The following VAV3 variants were observed in gnomAD, a reference collection of about 807,000 sequenced individuals.
VAV3 encodes the protein guanine nucleotide exchange factor VAV3.
A neutral mutation model predicts 131.2 loss-of-function variants in VAV3; 94 were observed. The ratio of observed to expected loss-of-function variants is 0.72; its 90% CI spans 0.61 to 0.85. The LOEUF (loss-of-function observed/expected upper bound fraction) is 0.85. Among genes scored for constraint, VAV3 ranks in the 40% least tolerant of loss-of-function variants. The pLI is 0.00. For synonymous variants in VAV3, 349 were observed against 342.0 expected (o/e 1.02, Z -0.22); for missense variants, 939 against 1,002.7 (o/e 0.94, Z 0.86).
At chr1:107,865,986 T>G (rs1022440915) in intron 2 of VAV3, among the ~76,000 whole-genome samples, 8 of 152,098 alleles carry the variant, frequency 5.3e-5, no homozygotes, top group African/African-American at 1.7e-4. Context: ...AAGTCTCAGA[T>G]AGGCATGCAT....
At chr1:107,771,766 C>T (rs562807508) in intron 5 of VAV3, among the ~76,000 whole-genome samples, 36 of 152,330 alleles carry the variant, frequency 2.4e-4, no homozygotes, top group African/African-American at 7.5e-4. Context: ...GAGGACTGCC[C>T]TTGCGGGAGA....
chr1:107,747,759 C>A (rs35790538), intron 15 of VAV3, among the ~76,000 whole-genome samples: 21,364 of 152,132 alleles, frequency 0.14, 1,690 homozygotes, highest in South Asian at 0.26. Flanking sequence ...GCAGCCAGTT[C>A]ATGGCAGTGA....
chr1:107,764,117 A>AACAAAACAAAAAAAAAC (rs2102147671), intron 9 of VAV3, among the ~76,000 whole-genome samples: 1 of 152,152 alleles, frequency 6.6e-6, no homozygotes, highest in Non-Finnish European at 1.5e-5. Flanking sequence ...AAAAAAAAAA[A>AACAAAACAAAAAAAAAC]CATGATGTAC....
chr1:107,703,830 C>CG (rs1222715898), intron 17 of VAV3, among the ~76,000 whole-genome samples: 1 of 151,468 alleles, frequency 6.6e-6, no homozygotes, highest in Admixed American at 6.6e-5. Flanking sequence ...CAGAGAAACT[C>CG]GGGGGAAAAG....
chr1:107,905,112 T>C (rs1213835693), intron 1 of VAV3, among the ~76,000 whole-genome samples: 2 of 152,210 alleles, frequency 1.3e-5, no homozygotes, highest in Non-Finnish European at 2.9e-5. Flanking sequence ...GAAACTGTTA[T>C]AAAATGTATA....
In VAV3 at chr1:107,765,180, A is replaced by G. The variant is rs767511132; in HGVS notation, c.822-5T>C. The G allele has an allele frequency of 1.2e-6, 2 of 1,607,784 alleles. No homozygotes were observed. Among genetic ancestry groups the G allele is most frequent in the South Asian group, 2.2e-5 (2 of 90,624 alleles). On this transcript the variant is annotated splice_polypyrimidine_tract_variant and splice_region_variant and intron_variant, in intron 8 of 26. Coordinates refer to ENST00000370056, the MANE Select transcript of VAV3 (RefSeq NM_006113.5). The stretch of plus-strand genomic sequence containing the variant: ...TACTGCCCGTAAATAACCAATCTGA[A>G]AGGGAAAAAAGACAAGAAATCTCTA...
intron 15 of VAV3, among the ~76,000 whole-genome samples, chr1:107,746,899 A>G (rs1486205151): frequency 6.7e-6 from 1 of 150,028 alleles, no homozygotes; most frequent in Non-Finnish European, 1.5e-5. Flanking sequence ...TTTTTTTTCA[A>G]GACGGAGTCT....
intron 1 of VAV3, among the ~76,000 whole-genome samples, chr1:107,955,521 A>C (rs1003677811): frequency 1.3e-5 from 2 of 152,088 alleles, no homozygotes; most frequent in African/African-American, 2.4e-5. Context: ...AGGAAAAAAA[A>C]CTGCAAAACA....
At chr1:107,785,451 T>C in intron 2 of VAV3, 1 of 1,328,606 alleles carries the variant, frequency 7.5e-7, no homozygotes, top group Non-Finnish European at 9.9e-7. Context: ...AGGGAAAGGG[T>C]ACTTACAGGG....
chr1:107,717,924 G>T (rs1347295307), intron 15 of VAV3, among the ~76,000 whole-genome samples: 1 of 152,142 alleles, frequency 6.6e-6, no homozygotes. Flanking sequence ...GGGTGCTCCT[G>T]TATTGGGTGC....
At chr1:107,831,649 T>A (rs1668252828) in intron 2 of VAV3, among the ~76,000 whole-genome samples, 1 of 152,222 alleles carries the variant, frequency 6.6e-6, no homozygotes, top group Admixed American at 6.5e-5. Context: ...ATATCCTTCC[T>A]TGCACATTTA....
At chr1:107,689,483 T>C (rs530528104) in intron 17 of VAV3, among the ~76,000 whole-genome samples, 2 of 152,080 alleles carry the variant, frequency 1.3e-5, no homozygotes, top group African/African-American at 2.4e-5. Context: ...GAACAGGAGG[T>C]TGGTTTGTTT....
intron 25 of VAV3, among the ~76,000 whole-genome samples, chr1:107,576,152 C>T (rs1026666882): frequency 1.3e-5 from 2 of 152,112 alleles, no homozygotes; most frequent in East Asian, 3.9e-4. Flanking sequence ...TGCAAACTCT[C>T]CCCAACAGAT....
chr1:107,848,763 A>T (rs1669090348), intron 2 of VAV3, among the ~76,000 whole-genome samples: 2 of 152,186 alleles, frequency 1.3e-5, no homozygotes, highest in African/African-American at 4.8e-5. Context: ...GCATTCAAAT[A>T]GGAAGAGAGG....
At chr1:107,808,994 C>A (rs1340307367) in intron 2 of VAV3, among the ~76,000 whole-genome samples, 1 of 151,950 alleles carries the variant, frequency 6.6e-6, no homozygotes, top group East Asian at 1.9e-4. Context: ...TTATAACTTC[C>A]CTAGAAATAA....
chr1:107,578,912 G>C, intron 25 of VAV3: 1 of 984,882 alleles, frequency 1.0e-6, no homozygotes, highest in Non-Finnish European at 1.2e-6. Flanking sequence ...TGATAAGCCA[G>C]TGAAAACACA....
chr1:107,786,318 T>C (rs1666000811), intron 2 of VAV3, among the ~76,000 whole-genome samples: 1 of 151,928 alleles, frequency 6.6e-6, no homozygotes, highest in Admixed American at 6.6e-5. Context: ...AGAACTTCCT[T>C]TAAAAAAAAA....
chr1:107,707,559 C>G (rs747858807), intron 15 of VAV3, among the ~76,000 whole-genome samples: 4 of 152,146 alleles, frequency 2.6e-5, no homozygotes, highest in South Asian at 4.1e-4. Flanking sequence ...GGTAAAGAGT[C>G]CCTTTTTAGG....
chr1:107,763,419 G>A (rs1664551863), intron 9 of VAV3, among the ~76,000 whole-genome samples: 1 of 152,220 alleles, frequency 6.6e-6, no homozygotes, highest in African/African-American at 2.4e-5. Context: ...ATGGAGGTGT[G>A]ATTGACAACT....
Sources: allele counts gnomAD v4.1 joint callset (sites outside exome capture counted in the v4.1 genomes callset), GRCh38; gene constraint gnomAD v4.1.1; transcripts MANE v1.5; gene names NCBI Gene and HGNC (gene_info 2026-07-23, HGNC 2026-07-21).